The following UVRAG variants were observed in gnomAD, a reference collection of about 807,000 sequenced individuals.
UVRAG encodes UV radiation resistance associated.
In UVRAG, 19 loss-of-function variants were observed where a neutral mutation model predicts 78.0. That is an observed-to-expected ratio of 0.24 (90% CI 0.17 to 0.36). UVRAG has a LOEUF of 0.36. UVRAG is among the 10% of genes least tolerant of loss of function. The pLI, the probability that UVRAG is intolerant of heterozygous loss-of-function variation, is 1.00. For missense variants in UVRAG, 740 were observed against 853.8 expected, an observed-to-expected ratio of 0.87 and a Z score of 1.66; for synonymous variants, 323 against 324.6, an observed-to-expected ratio of 1.00 and a Z score of 0.05.
chr11:75,851,877 T>C lies in UVRAG; in HGVS notation c.118-6T>C, dbSNP rs1946159997. On this transcript the variant is annotated splice_polypyrimidine_tract_variant and splice_region_variant and intron_variant, in intron 1 of 14. Coordinates refer to ENST00000356136, the MANE Select transcript of UVRAG (RefSeq NM_003369.4). ...ATGCCTTCTCTTTTTTGTTGTTATT[T>C]TTCAGCGGCGTCTTCGACATCTTCG... The C allele has an allele frequency of 2.5e-6, 4 of 1,596,058 alleles. No homozygotes were observed. The East Asian group carries it at 8.9e-5, about 36-fold the overall frequency.
intron 13 of UVRAG, among the ~76,000 whole-genome samples, chr11:76,101,892 C>T (rs1015021279): frequency 4.6e-5 from 7 of 151,952 alleles, no homozygotes; most frequent in East Asian, 1.9e-4. Flanking sequence ...GATGGTTGTA[C>T]GTGTACAGCC....
chr11:76,007,519 T>G lies in UVRAG; in HGVS notation c.912-15T>G, dbSNP rs1949968911. The G allele has an allele frequency of 6.3e-7, 1 of 1,588,834 alleles. No individual in the cohort carries two copies. The highest frequency in any genetic ancestry group is 1.1e-5 in the South Asian group (1 of 87,574). On this transcript the variant is annotated splice_polypyrimidine_tract_variant and intron_variant, in intron 9 of 14. Transcript: ENST00000356136. ...ATATATTTTTTAATAAATGTATTTT[T>G]TCTTTCCTCATTAGAGAACTCTTCT... is the stretch of plus-strand genomic sequence containing the variant.
chr11:75,992,437 C>T (rs899213668), intron 8 of UVRAG, among the ~76,000 whole-genome samples: 2 of 151,906 alleles, frequency 1.3e-5, no homozygotes, highest in Non-Finnish European at 2.9e-5. Flanking sequence ...CTTTGTATTC[C>T]CCTGGACTAT....
intron 13 of UVRAG, among the ~76,000 whole-genome samples, chr11:76,070,281 T>C (rs1194132058): frequency 7.2e-5 from 11 of 152,016 alleles, no homozygotes; most frequent in Non-Finnish European, 1.5e-4. Context: ...GAGAGTAGGA[T>C]AGTGATTCAG....
chr11:75,990,904 AT>A (rs1565107761), intron 8 of UVRAG, among the ~76,000 whole-genome samples: 1 of 152,206 alleles, frequency 6.6e-6, no homozygotes, highest in African/African-American at 2.4e-5. Context: ...CATAGAATAA[AT>A]ATTTGTTGAA....
Position 75,888,745 on chromosome 11 carries a change from T to A in UVRAG, c.433-84T>A. The stretch of plus-strand genomic sequence containing the variant: ...GCCGGTTTCTCAGTATTGAAGTAGA[T>A]CCTGTTGTAACTGTCATTCTCTGGT... On this transcript the variant is annotated intron_variant, in intron 4 of 14. Transcript: ENST00000356136. The A allele has an allele frequency of 7.7e-6, 9 of 1,170,632 alleles. No individual in the cohort carries two copies. In the South Asian group the frequency reaches 1.3e-4, roughly 17 times the overall value. The allele number at this position is 1,170,632 out of a possible 1,614,324, so 72.5% of individuals were successfully genotyped here.
chr11:75,958,266 T>A (rs187071079), intron 6 of UVRAG, among the ~76,000 whole-genome samples: 2 of 152,326 alleles, frequency 1.3e-5, no homozygotes, highest in Admixed American at 1.3e-4. Context: ...ATTCTCTGTA[T>A]CATGCGATGC....
intron 14 of UVRAG, 22 bp from the exon 15 acceptor site, chr11:76,140,689 C>A (rs748459367): frequency 1.9e-6 from 3 of 1,540,802 alleles, no homozygotes; most frequent in African/African-American, 1.4e-5. Context: ...AAAGTAACTT[C>A]TTGTTTTTGT....
intron 14 of UVRAG, among the ~76,000 whole-genome samples, chr11:76,118,881 G>A (rs1310570708): frequency 6.6e-6 from 1 of 152,138 alleles, no homozygotes; most frequent in African/African-American, 2.4e-5. Flanking sequence ...CTATTCTCCA[G>A]AACAGTTCAT....
chr11:76,060,852 C>CG (rs762325879), intron 12 of UVRAG, among the ~76,000 whole-genome samples: 5 of 152,262 alleles, frequency 3.3e-5, no homozygotes, highest in Non-Finnish European at 7.3e-5. Flanking sequence ...TCCCCCTCCT[C>CG]CGTGGGGATC....
At chr11:75,871,130 T>A (rs1946638302) in intron 3 of UVRAG, among the ~76,000 whole-genome samples, 1 of 152,212 alleles carries the variant, frequency 6.6e-6, no homozygotes, top group Non-Finnish European at 1.5e-5. Flanking sequence ...CACCTCGGCC[T>A]CCCAAAGTGC....
At chr11:76,054,448 TCTC>T (rs1476175418) in intron 12 of UVRAG, among the ~76,000 whole-genome samples, 1 of 152,166 alleles carries the variant, frequency 6.6e-6, no homozygotes, top group African/African-American at 2.4e-5. Context: ...CTCCAGTGCT[TCTC>T]CTGTCATTCA....
chr11:76,114,355 CCTT>C (rs1338882212), intron 13 of UVRAG, among the ~76,000 whole-genome samples: 2 of 152,112 alleles, frequency 1.3e-5, no homozygotes, highest in African/African-American at 4.8e-5. Flanking sequence ...AAACTATTTT[CCTT>C]CTGCTTTCTC....
chr11:75,884,240 T>TTTCTCTCTCTCTCTC (rs1555080663), intron 4 of UVRAG, among the ~76,000 whole-genome samples: 80 of 132,544 alleles, frequency 6.0e-4, no homozygotes, highest in African/African-American at 2.1e-3. Context: ...CTCTCTCTCT[T>TTTCTCTCTCTCTCTC]TCTCTCTCTC....
At chr11:75,896,950 A>T (rs1175747891) in intron 5 of UVRAG, among the ~76,000 whole-genome samples, 2 of 152,236 alleles carry the variant, frequency 1.3e-5, no homozygotes, top group Admixed American at 6.5e-5. Context: ...AAGTATATAG[A>T]TACATAGAGA....
intron 3 of UVRAG, among the ~76,000 whole-genome samples, chr11:75,865,695 A>T (rs367881675): frequency 5.2e-4 from 79 of 151,666 alleles, no homozygotes; most frequent in African/African-American, 1.8e-3. Flanking sequence ...GCTCATTTTA[A>T]CCTCCGCCTC....
intron 5 of UVRAG, among the ~76,000 whole-genome samples, chr11:75,890,984 A>G (rs147045450): frequency 3.3e-5 from 5 of 151,952 alleles, no homozygotes; most frequent in African/African-American, 1.2e-4. Context: ...AAGAGGAGAG[A>G]GTGATCAAAT....
intron 6 of UVRAG, among the ~76,000 whole-genome samples, chr11:75,944,636 C>T (rs529792259): frequency 6.6e-6 from 1 of 152,162 alleles, no homozygotes; most frequent in South Asian, 2.1e-4. Context: ...CTTGAGAATA[C>T]CACAATCTAA....
rs149124149 is a variant in UVRAG at position 75,924,639 on chromosome 11, C to T, written c.593+12600C>T. Among the ~76,000 whole-genome samples the T allele has an allele frequency of 4.2e-3, 634 of 152,194 alleles. 4 individuals are homozygous for T. Among genetic ancestry groups the T allele is most frequent in the African/African-American group, 0.015 (610 of 41,520 alleles). On this transcript the variant is annotated intron_variant, in intron 6 of 14. Coordinates refer to ENST00000356136, the MANE Select transcript of UVRAG (RefSeq NM_003369.4). Reference sequence around the variant, plus strand: ...TCCTGACCTCGTGATCCACCCGCCTCGGCCTCCCAAAGTGCTGGGATTACA... The same window carrying T: ...TCCTGACCTCGTGATCCACCCGCCTTGGCCTCCCAAAGTGCTGGGATTACA...
Sources: allele counts gnomAD v4.1 joint callset (sites outside exome capture counted in the v4.1 genomes callset), GRCh38; gene constraint gnomAD v4.1.1; transcripts MANE v1.5; gene names NCBI Gene and HGNC (gene_info 2026-07-23, HGNC 2026-07-21).